EYS: variants seen among roughly 807,000 people sequenced by gnomAD.
The protein encoded by EYS is protein eyes shut homolog.
Under a neutral mutation model 282.1 loss-of-function variants are expected in EYS, and 250 were observed. The observed-to-expected ratio is 0.89, with a 90% CI of 0.80 to 0.98. The LOEUF (loss-of-function observed/expected upper bound fraction) is 0.98. Ranked by LOEUF, EYS falls within the 50% of genes least tolerant of loss-of-function variation. The probability of loss-of-function intolerance (pLI) is 0.00; values close to 1 mark genes in which losing one functional copy is unlikely to be tolerated. For missense variants in EYS, 4,016 were observed against 3,709.0 expected, an observed-to-expected ratio of 1.08 and a Z score of -2.15; for synonymous variants, 1,355 against 1,282.9, an observed-to-expected ratio of 1.06 and a Z score of -1.20.
At chr6:64,077,078 C>T (rs571058816) in intron 32 of EYS, among the ~76,000 whole-genome samples, 8 of 151,962 alleles carry the variant, frequency 5.3e-5, no homozygotes, top group African/African-American at 9.7e-5. Flanking sequence ...ATAGAAGTTT[C>T]TCATGAATGA....
chr6:63,888,223 T>G (rs1562080183), intron 35 of EYS, among the ~76,000 whole-genome samples: 1 of 152,174 alleles, frequency 6.6e-6, no homozygotes, highest in South Asian at 2.1e-4. Flanking sequence ...TCAGCAGACT[T>G]ATACATTCCT....
chr6:64,697,467 T>C (rs964815689), intron 22 of EYS, among the ~76,000 whole-genome samples: 2 of 152,136 alleles, frequency 1.3e-5, no homozygotes, highest in African/African-American at 4.8e-5. Flanking sequence ...CTCATAGCAC[T>C]GGACATGTCA....
At chr6:65,355,274 A>G (rs1487796038) in intron 8 of EYS, among the ~76,000 whole-genome samples, 2 of 151,356 alleles carry the variant, frequency 1.3e-5, no homozygotes, top group Non-Finnish European at 2.9e-5. Context: ...ACACTGCTTC[A>G]GTGACTGGTC....
intron 31 of EYS, among the ~76,000 whole-genome samples, chr6:64,161,382 C>G (rs577717219): frequency 7.0e-4 from 106 of 152,220 alleles, no homozygotes; most frequent in Non-Finnish European, 1.2e-3. Flanking sequence ...TGTTTTTCTC[C>G]CATCAGTAGG....
intron 35 of EYS, among the ~76,000 whole-genome samples, chr6:63,958,938 T>C (rs1428787646): frequency 6.6e-6 from 1 of 152,202 alleles, no homozygotes; most frequent in Admixed American, 6.6e-5. Context: ...TTCTGATAGA[T>C]GAATACAAGG....
intron 22 of EYS, among the ~76,000 whole-genome samples, chr6:64,753,789 A>G (rs985542368): frequency 7.2e-5 from 11 of 152,062 alleles, no homozygotes; most frequent in African/African-American, 2.7e-4. Context: ...CTACCCAACA[A>G]TCACAGAATA....
intron 26 of EYS, among the ~76,000 whole-genome samples, chr6:64,482,760 G>T (rs1039566965): frequency 6.6e-6 from 1 of 151,602 alleles, no homozygotes; most frequent in Non-Finnish European, 1.5e-5. Context: ...ATTTGCATCT[G>T]GTGGGAACTA....
chr6:63,850,555 AT>A (rs892103632), intron 36 of EYS, among the ~76,000 whole-genome samples: 2 of 152,216 alleles, frequency 1.3e-5, no homozygotes, highest in Non-Finnish European at 2.9e-5. Flanking sequence ...TCAACCCAGA[AT>A]TTCATATCCA....
intron 31 of EYS, among the ~76,000 whole-genome samples, chr6:64,127,408 T>C (rs1344364104): frequency 6.6e-6 from 1 of 152,206 alleles, no homozygotes; most frequent in African/African-American, 2.4e-5. Flanking sequence ...CATTGGAAGA[T>C]ACTTTTAACC....
intron 22 of EYS, among the ~76,000 whole-genome samples, chr6:64,655,709 G>T (rs1768720651): frequency 6.6e-6 from 1 of 151,828 alleles, no homozygotes; most frequent in Admixed American, 6.6e-5. Flanking sequence ...AATAAGTCAT[G>T]GATAAGCAAT....
chr6:64,798,487 C>CGACGGATA (rs1774428694), intron 22 of EYS, among the ~76,000 whole-genome samples: 1 of 151,608 alleles, frequency 6.6e-6, no homozygotes, highest in African/African-American at 2.4e-5. Context: ...AGAAAGCAAG[C>CGACGGATA]ACATGCGACG....
chr6:64,291,351 G>T (rs1012595154), intron 30 of EYS, among the ~76,000 whole-genome samples: 2 of 151,898 alleles, frequency 1.3e-5, no homozygotes, highest in African/African-American at 2.4e-5. Flanking sequence ...AGTAACATCT[G>T]AAAATGATTC....
At chr6:64,282,138 C>T (rs1768330174) in intron 30 of EYS, among the ~76,000 whole-genome samples, 1 of 152,082 alleles carries the variant, frequency 6.6e-6, no homozygotes, top group Admixed American at 6.6e-5. Context: ...ATGGAATCAT[C>T]ATATAAATTG....
chr6:64,793,923 T>C (rs1417762783), intron 22 of EYS, among the ~76,000 whole-genome samples: 1 of 152,116 alleles, frequency 6.6e-6, no homozygotes, highest in East Asian at 1.9e-4. Context: ...CTAAGCACAA[T>C]GTTTCAGGAT....
At chr6:64,748,436 C>T (rs1169834548) in intron 22 of EYS, among the ~76,000 whole-genome samples, 3 of 152,334 alleles carry the variant, frequency 2.0e-5, no homozygotes, top group South Asian at 2.1e-4. Flanking sequence ...GCATCTCTTG[C>T]GTGCACAGTT....
At chr6:64,321,740 T>C (rs1258004835) in intron 29 of EYS, among the ~76,000 whole-genome samples, 1 of 151,906 alleles carries the variant, frequency 6.6e-6, no homozygotes, top group Non-Finnish European at 1.5e-5. Context: ...TAATGTAGTG[T>C]TTCTGATGTT....
At chr6:65,663,947 CT>C (rs1768109956) in intron 1 of EYS, among the ~76,000 whole-genome samples, 1 of 145,538 alleles carries the variant, frequency 6.9e-6, no homozygotes, top group African/African-American at 2.6e-5. Context: ...TCTCGGATCA[CT>C]GCAAGCTCCG....
chr6:65,699,192 T>G (rs1309584933), intron 1 of EYS, among the ~76,000 whole-genome samples: 5 of 152,214 alleles, frequency 3.3e-5, no homozygotes, highest in African/African-American at 1.2e-4. Flanking sequence ...CGTCTATATT[T>G]CTGTTTTATT....
chr6:64,765,856 A>C (rs954095207), intron 22 of EYS, among the ~76,000 whole-genome samples: 2 of 152,038 alleles, frequency 1.3e-5, no homozygotes, highest in Admixed American at 1.3e-4. Context: ...ATACAACTTG[A>C]GATGAGATTC....
Sources: allele counts gnomAD v4.1 joint callset (sites outside exome capture counted in the v4.1 genomes callset), GRCh38; gene constraint gnomAD v4.1.1; transcripts MANE v1.5; gene names NCBI Gene and HGNC (gene_info 2026-07-23, HGNC 2026-07-21).